The following CDK5RAP1 variants were observed in gnomAD, a reference collection of about 807,000 sequenced individuals.
CDK5RAP1 encodes the protein mitochondrial tRNA methylthiotransferase CDK5RAP1.
A neutral mutation model predicts 64.5 loss-of-function variants in CDK5RAP1; 62 were observed. The observed-to-expected ratio is 0.96, with a 90% CI of 0.78 to 1.19. CDK5RAP1 has a LOEUF of 1.19. Ranked by LOEUF, CDK5RAP1 falls within the 50% of genes most tolerant of loss-of-function variation. The pLI is 0.00. For missense variants in CDK5RAP1, 657 were observed against 735.0 expected (o/e 0.89, Z 1.23); for synonymous variants, 250 against 261.9 (o/e 0.95, Z 0.44).
In CDK5RAP1 at chr20:33,385,814, G is replaced by A. The variant is rs1468963749; in HGVS notation, c.756-44C>T. The A allele has an allele frequency of 1.2e-5, 19 of 1,581,636 alleles. No individual in the cohort carries two copies. In the South Asian group the frequency reaches 2.2e-4, roughly 19 times the overall value. ...GAACTTAGTAACAGTAGCAGGGTGT[G>A]CTGGTATGACCCAAGGAGCAGGACT... On this transcript the variant is annotated intron_variant, in intron 6 of 13. Transcript: ENST00000346416.
At position 33,385,783 on chromosome 20, in the gene CDK5RAP1, G is replaced by A. The variant is rs759471330; in HGVS notation, c.756-13C>T. 29 of 1,608,152 alleles carry A rather than the reference G, an allele frequency of 1.8e-5. No homozygotes were observed. The highest frequency in any genetic ancestry group is 1.8e-5 in the Non-Finnish European group (21 of 1,177,418). ...TCGCATGATTGACCTGGAGAAGAAAGTACCAGAACTTAGTAACAGTAGCAG... is the reference window on the plus strand; with the variant it reads ...TCGCATGATTGACCTGGAGAAGAAAATACCAGAACTTAGTAACAGTAGCAG... On this transcript the variant is annotated splice_polypyrimidine_tract_variant and intron_variant, in intron 6 of 13. Coordinates refer to ENST00000346416, the MANE Select transcript of CDK5RAP1 (RefSeq NM_016408.4).
At chr20:33,398,743 T>C (rs899795942) in intron 1 of CDK5RAP1, among the ~76,000 whole-genome samples, 3 of 152,018 alleles carry the variant, frequency 2.0e-5, no homozygotes, top group East Asian at 1.9e-4. Flanking sequence ...CTGGGCAACA[T>C]AGTGAGACCT....
intron 5 of CDK5RAP1, among the ~76,000 whole-genome samples, chr20:33,390,742 C>T (rs775613583): frequency 2.6e-5 from 4 of 152,148 alleles, no homozygotes; most frequent in Non-Finnish European, 4.4e-5. Flanking sequence ...TCAGCTGACC[C>T]TTCCATCCTC....
At position 33,396,849 on chromosome 20, in the gene CDK5RAP1, G is replaced by T; in HGVS notation, c.216C>A (p.Ala72=). Residue 72 remains alanine, a synonymous_variant, in exon 2 of 14, where the codon GCC becomes GCA. Coordinates refer to ENST00000346416, the MANE Select transcript of CDK5RAP1 (RefSeq NM_016408.4). ...GPTFQHFLKS[A]SAPQEKLSSE... ...AAGACAGCTTCTCCTGAGGAGCTGA[G>T]GCACTTTTTAAAAAATGTTGAAAAG... 1 of 1,614,094 alleles carries T rather than the reference G, an allele frequency of 6.2e-7. No individual in the cohort carries two copies. Among genetic ancestry groups the T allele is most frequent in the Admixed American group, 1.7e-5 (1 of 60,030 alleles).
chr20:33,390,149 C>T (rs1443710383), intron 5 of CDK5RAP1, among the ~76,000 whole-genome samples: 9 of 151,892 alleles, frequency 5.9e-5, no homozygotes, highest in Admixed American at 3.9e-4. Context: ...TGGAACGTGC[C>T]TGCAGTCCCA....
intron 7 of CDK5RAP1, among the ~76,000 whole-genome samples, chr20:33,381,168 T>C (rs1434003675): frequency 6.6e-6 from 1 of 152,206 alleles, no homozygotes; most frequent in African/African-American, 2.4e-5. Context: ...TTGTTTATCA[T>C]TCACATTCAG....
chr20:33,391,275 A>G (rs1988285506), intron 5 of CDK5RAP1, among the ~76,000 whole-genome samples: 2 of 136,730 alleles, frequency 1.5e-5, no homozygotes, highest in Non-Finnish European at 3.2e-5. Context: ...AAAAAAAAGG[A>G]TGACAGAGTG....
chr20:33,379,595 G>C lies in CDK5RAP1; in HGVS notation c.973C>G (p.Arg325Gly). 1 of 1,614,030 alleles carries C rather than the reference G, an allele frequency of 6.2e-7. No individual in the cohort carries two copies. Among genetic ancestry groups the C allele is most frequent in the Non-Finnish European group, 8.5e-7 (1 of 1,179,916 alleles). The change falls in exon 8 of 14, where the codon CGT becomes GGT. Residue 325 changes from arginine (R) to glycine (G), a missense_variant. Physicochemically the swap from Arg to Gly is moderately radical, Grantham distance 125 (BLOSUM62 -2). Transcript: ENST00000346416. The part of the protein sequence containing the change: ...FNSAVPTNLS[R>G]GFTTNYKTKQ... ...GTTTTATAGTTGGTGGTAAAGCCAC[G>C]ACTGAGATTGGTAGGCACTGCACTG...
intron 8 of CDK5RAP1, among the ~76,000 whole-genome samples, chr20:33,377,901 C>T (rs561197426): frequency 6.6e-6 from 1 of 152,332 alleles, no homozygotes; most frequent in South Asian, 2.1e-4. Context: ...ATCCACCCAC[C>T]TTGGCCTCCC....
chr20:33,377,405 G>A lies in CDK5RAP1; in HGVS notation c.1107+2056C>T, dbSNP rs190312235. On this transcript the variant is annotated intron_variant, in intron 8 of 13. Coordinates refer to ENST00000346416, the MANE Select transcript of CDK5RAP1 (RefSeq NM_016408.4). ...TACATCAGCACTATGGCTTCCCCTT[G>A]CACTTTGATGTTAGAGAGATGGCTT... is the stretch of plus-strand genomic sequence containing the variant. 8.1e-3 allele frequency among the ~76,000 whole-genome samples: 1,236 copies of A among 152,250 alleles called. 16 individuals are homozygous for A. Among genetic ancestry groups the A allele is most frequent in the Admixed American group, 0.035 (541 of 15,290 alleles).
In CDK5RAP1 at chr20:33,395,010, T is replaced by C; in HGVS notation, c.408+3A>G. On this transcript the variant is annotated splice_donor_region_variant and intron_variant, in intron 3 of 13. Transcript: ENST00000346416. ...AAACAAAGGAAATAGGAAATGCATG[T>C]ACCTCTTGGAGGTTACTGGTCCGCA... 1 of 1,536,454 alleles carries C rather than the reference T, an allele frequency of 6.5e-7. No individual in the cohort carries two copies. Among genetic ancestry groups the C allele is most frequent in the Non-Finnish European group, 9.0e-7 (1 of 1,109,092 alleles).
chr20:33,375,001 T>C (rs1281185873), intron 8 of CDK5RAP1, among the ~76,000 whole-genome samples: 3 of 151,244 alleles, frequency 2.0e-5, no homozygotes, highest in Non-Finnish European at 3.0e-5. Context: ...CTTGGGTCTA[T>C]TTTTTTTAAT....
chr20:33,384,686 G>T (rs1184934249), intron 7 of CDK5RAP1, among the ~76,000 whole-genome samples: 1 of 152,114 alleles, frequency 6.6e-6, no homozygotes, highest in Non-Finnish European at 1.5e-5. Context: ...AGGATTACTT[G>T]ATCCCAGGAG....
intron 7 of CDK5RAP1, 133 bp from the exon 8 acceptor site, chr20:33,379,824 C>A (rs907972961): frequency 4.6e-6 from 3 of 651,494 alleles, no homozygotes; most frequent in Admixed American, 2.9e-5. Flanking sequence ...CCAAGAGTCA[C>A]CTATAAGTGT....
intron 9 of CDK5RAP1, chr20:33,373,149 C>CGT (rs148856565): frequency 0.016 from 2,242 of 139,992 alleles, 62 homozygotes; most frequent in African/African-American, 0.045. Flanking sequence ...CCATGTTGCC[C>CGT]GTGTGTGTGT....
Position 33,399,753 on chromosome 20 carries a change from C to T in CDK5RAP1, c.-21+1675G>A, listed in dbSNP as rs291696. On this transcript the variant is annotated intron_variant, in intron 1 of 13. Transcript: ENST00000346416. Reference sequence around the variant, plus strand: ...AGGAGCATGCAATCTTGAGCCAGTGCGGTGGCTGACATCTATAATCCCAGC... The same window carrying T: ...AGGAGCATGCAATCTTGAGCCAGTGTGGTGGCTGACATCTATAATCCCAGC... Among the ~76,000 whole-genome samples, 442 of 152,274 alleles carry T rather than the reference C, an allele frequency of 2.9e-3. 4 individuals are homozygous for T. Among genetic ancestry groups the T allele is most frequent in the African/African-American group, 0.01 (420 of 41,544 alleles).
At chr20:33,369,400 A>G (rs973693160) in intron 11 of CDK5RAP1, among the ~76,000 whole-genome samples, 2 of 151,582 alleles carry the variant, frequency 1.3e-5, no homozygotes, top group Admixed American at 6.6e-5. Context: ...GGAGAATGGC[A>G]TGAACCCGGG....
At chr20:33,385,591 G>A (rs571799300) in intron 7 of CDK5RAP1, 59 bp downstream of exon 7, 1 of 1,599,384 alleles carries the variant, frequency 6.3e-7, no homozygotes, top group South Asian at 1.1e-5. Context: ...AAACTACAAA[G>A]GTTATCCTCA....
At chr20:33,388,529 T>C (rs7346326) in intron 5 of CDK5RAP1, among the ~76,000 whole-genome samples, 114 of 78,544 alleles carry the variant, frequency 1.5e-3, no homozygotes, top group African/African-American at 6.7e-3. Context: ...TCCCTCTCCC[T>C]CTCCCCCTCT....
Sources: allele counts gnomAD v4.1 joint callset (sites outside exome capture counted in the v4.1 genomes callset), GRCh38; gene constraint gnomAD v4.1.1; transcripts MANE v1.5; gene names NCBI Gene and HGNC (gene_info 2026-07-23, HGNC 2026-07-21).